Variants in GRID2 observed in about 807,000 individuals in gnomAD.
The protein encoded by GRID2 is glutamate ionotropic receptor delta type subunit 2.
Under a neutral mutation model 114.8 loss-of-function variants are expected in GRID2, and 33 were observed. The ratio of observed to expected loss-of-function variants is 0.29; its 90% CI spans 0.22 to 0.38. GRID2 has a LOEUF of 0.38. Among genes scored for constraint, GRID2 ranks in the 10% least tolerant of loss-of-function variants. The probability of loss-of-function intolerance (pLI) is 1.00; values close to 1 mark genes in which losing one functional copy is unlikely to be tolerated. For missense variants in GRID2, 1,184 were observed against 1,257.7 expected, an observed-to-expected ratio of 0.94 and a Z score of 0.89; for synonymous variants, 505 against 449.9, an observed-to-expected ratio of 1.12 and a Z score of -1.55.
At chr4:92,955,933 A>T (rs988684735) in intron 2 of GRID2, among the ~76,000 whole-genome samples, 3 of 152,100 alleles carry the variant, frequency 2.0e-5, no homozygotes, top group African/African-American at 7.2e-5. Flanking sequence ...GTTAGCCAGG[A>T]TGTTCTCTAT....
At chr4:92,983,125 G>A (rs1206394848) in intron 2 of GRID2, among the ~76,000 whole-genome samples, 3 of 152,184 alleles carry the variant, frequency 2.0e-5, no homozygotes, top group African/African-American at 4.8e-5. Flanking sequence ...ATGGAGAAGA[G>A]TGTATCAATT....
chr4:93,105,251 G>C (rs1732100058), intron 3 of GRID2, among the ~76,000 whole-genome samples: 1 of 151,906 alleles, frequency 6.6e-6, no homozygotes, highest in African/African-American at 2.4e-5. Flanking sequence ...CTCCCATTTT[G>C]TAGGTTGCCT....
intron 1 of GRID2, among the ~76,000 whole-genome samples, chr4:92,446,199 A>C (rs966599931): frequency 3.3e-5 from 5 of 152,076 alleles, no homozygotes; most frequent in African/African-American, 1.2e-4. Context: ...AGGCCACCTC[A>C]ACTTCCCAAA....
chr4:92,351,445 T>C (rs1301195416), intron 1 of GRID2, among the ~76,000 whole-genome samples: 1 of 151,870 alleles, frequency 6.6e-6, no homozygotes, highest in Admixed American at 6.6e-5. Flanking sequence ...CAATGTATAA[T>C]GATCAGATCC....
chr4:93,054,293 T>TTTTGTAATTTTTTTTTATA (rs1727013475), intron 2 of GRID2, among the ~76,000 whole-genome samples: 2 of 151,786 alleles, frequency 1.3e-5, no homozygotes, highest in Non-Finnish European at 2.9e-5. Flanking sequence ...AATGGAAATT[T>TTTTGTAATTTTTTTTTATA]GAACTTATTT....
chr4:93,247,791 T>A (rs1044958980), intron 8 of GRID2, among the ~76,000 whole-genome samples: 1 of 151,986 alleles, frequency 6.6e-6, no homozygotes, highest in African/African-American at 2.4e-5. Context: ...TGGAGAACCC[T>A]GACAATACCT....
intron 14 of GRID2, among the ~76,000 whole-genome samples, chr4:93,678,367 A>T (rs188924303): frequency 2.0e-5 from 3 of 152,340 alleles, no homozygotes; most frequent in Non-Finnish European, 2.9e-5. Flanking sequence ...GATATTATCC[A>T]GGACAACTTC....
At chr4:93,656,153 T>G (rs1348380843) in intron 14 of GRID2, among the ~76,000 whole-genome samples, 3 of 151,868 alleles carry the variant, frequency 2.0e-5, no homozygotes, top group Non-Finnish European at 2.9e-5. Flanking sequence ...AATAATTGAT[T>G]CTAGGAGTCA....
chr4:92,853,220 G>T (rs560189537), intron 2 of GRID2, among the ~76,000 whole-genome samples: 2 of 151,886 alleles, frequency 1.3e-5, no homozygotes, highest in Non-Finnish European at 2.9e-5. Context: ...AGGATTAAAT[G>T]ATATAATATA....
At chr4:93,729,775 T>C (rs1730311642) in intron 14 of GRID2, among the ~76,000 whole-genome samples, 1 of 152,120 alleles carries the variant, frequency 6.6e-6, no homozygotes, top group East Asian at 1.9e-4. Flanking sequence ...GCACAGAGAA[T>C]CATTTTCTGA....
At chr4:92,670,447 A>G (rs190208848) in intron 2 of GRID2, among the ~76,000 whole-genome samples, 1 of 151,760 alleles carries the variant, frequency 6.6e-6, no homozygotes, top group Non-Finnish European at 1.5e-5. Context: ...CATTATTCCT[A>G]TTTGTGGATG....
chr4:92,671,039 A>G (rs1733036684), intron 2 of GRID2, among the ~76,000 whole-genome samples: 1 of 152,148 alleles, frequency 6.6e-6, no homozygotes, highest in African/African-American at 2.4e-5. Flanking sequence ...ACATTGCTAT[A>G]AAGAACTACC....
At position 93,145,644 on chromosome 4, in the gene GRID2, C is replaced by CTTTTTTTT. The variant is rs10605313; in HGVS notation, c.735+34715_735+34722dup. Among the ~76,000 whole-genome samples, 21 of 45,708 alleles carry CTTTTTTTT rather than the reference C, an allele frequency of 4.6e-4. 1 individual carries two copies. Among genetic ancestry groups the CTTTTTTTT allele is most frequent in the Non-Finnish European group, 6.8e-4 (19 of 28,050 alleles). 30.0% of individuals were successfully genotyped at this position (45,708 alleles called of 152,430 possible). A position where few individuals can be genotyped will look rare whatever the true frequency, so the allele number is the denominator to read the frequency against. On this transcript the variant is annotated intron_variant, in intron 4 of 15. Coordinates refer to ENST00000282020, the MANE Select transcript of GRID2 (RefSeq NM_001510.4). ...CAGCTAGTTTTGTATTTCTTTTTTC[C>CTTTTTTTT]TTTTTTTTTTTTTTTTTTTTTTTTT... is the stretch of plus-strand genomic sequence containing the variant.
rs546807179 is a variant in GRID2 at position 93,215,936 on chromosome 4, G to C, written c.790-802G>C. 1.6e-4 allele frequency among the ~76,000 whole-genome samples: 24 copies of C among 151,998 alleles called. No homozygotes were observed. In the South Asian group the frequency reaches 5.0e-3, roughly 32 times the overall value. ...TTACAAAGACTTCATTCGTTGTAAA[G>C]GTTCCAAATGAACACTATTAAGCAC... On this transcript the variant is annotated intron_variant, in intron 5 of 15. Transcript: ENST00000282020.
At chr4:92,914,003 A>C (rs2149493716) in intron 2 of GRID2, among the ~76,000 whole-genome samples, 1 of 152,246 alleles carries the variant, frequency 6.6e-6, no homozygotes, top group African/African-American at 2.4e-5. Flanking sequence ...GTGTTTGAAA[A>C]GCAGAAATGG....
intron 1 of GRID2, among the ~76,000 whole-genome samples, chr4:92,472,205 TTACAGGCGTGAGCCACCGCGCCCGGCCG>T (rs1722079968): frequency 6.6e-6 from 1 of 151,010 alleles, no homozygotes; most frequent in African/African-American, 2.4e-5. Flanking sequence ...AGTGCTGGGA[TTACAGGCGTGAGCCACCGCGCCCGGCCG>T]TTATCCATAT....
intron 8 of GRID2, among the ~76,000 whole-genome samples, chr4:93,367,461 T>C (rs1396107238): frequency 6.6e-6 from 1 of 152,166 alleles, no homozygotes; most frequent in African/African-American, 2.4e-5. Context: ...GTTGATTGAA[T>C]AAGAATGTTT....
chr4:93,220,238 T>TTA lies in GRID2; in HGVS notation c.963+3341_963+3342dup, dbSNP rs201847282. On this transcript the variant is annotated intron_variant, in intron 6 of 15. Coordinates refer to ENST00000282020, the MANE Select transcript of GRID2 (RefSeq NM_001510.4). ...AAACACTGCCAAACTAAGCCTTTATTTATATATATATATATTTTTTTAGAT... is the reference window on the plus strand; with the variant it reads ...AAACACTGCCAAACTAAGCCTTTATTTATATATATATATATATTTTTTTAGAT... 3.4e-3 allele frequency among the ~76,000 whole-genome samples: 509 copies of TTA among 151,244 alleles called. 9 individuals carry two copies. Among genetic ancestry groups the TTA allele is most frequent in the Non-Finnish European group, 8.1e-4 (55 of 67,762 alleles).
At chr4:92,841,030 C>G (rs1015877534) in intron 2 of GRID2, among the ~76,000 whole-genome samples, 7 of 152,114 alleles carry the variant, frequency 4.6e-5, no homozygotes, top group African/African-American at 1.7e-4. Context: ...AAGATCTGCT[C>G]TGGTCTCATC....
Sources: allele counts gnomAD v4.1 joint callset (sites outside exome capture counted in the v4.1 genomes callset), GRCh38; gene constraint gnomAD v4.1.1; transcripts MANE v1.5; gene names NCBI Gene and HGNC (gene_info 2026-07-23, HGNC 2026-07-21).